The following FAF1 variants were observed in gnomAD, a reference collection of about 807,000 sequenced individuals.
FAF1 encodes Fas associated factor 1, also known as FAS-associated factor 1.
Under a neutral mutation model 92.5 loss-of-function variants are expected in FAF1, and 25 were observed. The observed-to-expected ratio is 0.27, with a 90% CI of 0.20 to 0.38. FAF1 has a LOEUF of 0.38. FAF1 is among the 10% of genes least tolerant of loss of function. The pLI, the probability that FAF1 is intolerant of heterozygous loss-of-function variation, is 1.00. For synonymous variants in FAF1, 234 were observed against 273.2 expected (o/e 0.86, Z 1.42); for missense variants, 636 against 793.3 (o/e 0.80, Z 2.38).
intron 4 of FAF1, among the ~76,000 whole-genome samples, chr1:50,776,297 T>C (rs1660957498): frequency 6.6e-6 from 1 of 152,180 alleles, no homozygotes. Context: ...ACATTATAAA[T>C]ACAACTGGAC....
chr1:50,465,430 C>T (rs12063722), intron 18 of FAF1, among the ~76,000 whole-genome samples: 4,692 of 152,236 alleles, frequency 0.031, 237 homozygotes, highest in African/African-American at 0.11. Flanking sequence ...ATTATTATTT[C>T]ACAGGCTGTT....
At chr1:50,493,616 C>G (rs1646865665) in intron 15 of FAF1, among the ~76,000 whole-genome samples, 1 of 152,142 alleles carries the variant, frequency 6.6e-6, no homozygotes, top group African/African-American at 2.4e-5. Flanking sequence ...TAAACTACCC[C>G]ATGACACTGT....
At chr1:50,531,512 G>A (rs1378384450) in intron 15 of FAF1, among the ~76,000 whole-genome samples, 1 of 152,066 alleles carries the variant, frequency 6.6e-6, no homozygotes, top group African/African-American at 2.4e-5. Flanking sequence ...CTAAAATGTC[G>A]CTACTGTAAT....
At chr1:50,877,480 G>C (rs1557570941) in intron 1 of FAF1, among the ~76,000 whole-genome samples, 1 of 152,024 alleles carries the variant, frequency 6.6e-6, no homozygotes. Flanking sequence ...TGGCATCCTG[G>C]AACAGAAAAG....
At chr1:50,693,142 A>G (rs1253838939) in intron 7 of FAF1, among the ~76,000 whole-genome samples, 1 of 152,188 alleles carries the variant, frequency 6.6e-6, no homozygotes, top group African/African-American at 2.4e-5. Flanking sequence ...TACCTAACCC[A>G]AAAACCACGA....
In FAF1 at chr1:50,867,686, G is replaced by T. The variant is rs184987967; in HGVS notation, c.46-9689C>A. Among the ~76,000 whole-genome samples, 329 of 152,212 alleles carry T rather than the reference G, an allele frequency of 2.2e-3. 3 individuals carry two copies. Among genetic ancestry groups the T allele is most frequent in the African/African-American group, 7.8e-3 (326 of 41,546 alleles). On this transcript the variant is annotated intron_variant, in intron 1 of 18. Coordinates refer to ENST00000396153, the MANE Select transcript of FAF1 (RefSeq NM_007051.3). ...ATCAAAATCTAAAAAAATTATAGCT[G>T]TTGCTGTGGATGTGGTGAAAATAGA...
intron 17 of FAF1, among the ~76,000 whole-genome samples, chr1:50,482,049 G>T (rs1646710279): frequency 6.6e-6 from 1 of 152,184 alleles, no homozygotes; most frequent in African/African-American, 2.4e-5. Flanking sequence ...CCTTTTAAAT[G>T]TACAGTTCTG....
intron 8 of FAF1, among the ~76,000 whole-genome samples, chr1:50,651,677 T>C (rs989720242): frequency 1.3e-5 from 2 of 152,174 alleles, no homozygotes; most frequent in East Asian, 3.8e-4. Context: ...ATTAATTATA[T>C]TTTTGTTGGT....
intron 8 of FAF1, among the ~76,000 whole-genome samples, chr1:50,642,272 T>C (rs994966458): frequency 6.6e-6 from 1 of 151,938 alleles, no homozygotes; most frequent in Non-Finnish European, 1.5e-5. Context: ...AAATTTCTTA[T>C]GTTTAGTGTT....
chr1:50,745,525 C>T (rs1366433483), intron 4 of FAF1, among the ~76,000 whole-genome samples: 1 of 152,022 alleles, frequency 6.6e-6, no homozygotes, highest in Non-Finnish European at 1.5e-5. Flanking sequence ...GGGCTGATTT[C>T]CCTCTTTGAT....
chr1:50,834,384 A>T (rs1424431678), intron 2 of FAF1, among the ~76,000 whole-genome samples: 1 of 152,210 alleles, frequency 6.6e-6, no homozygotes, highest in Non-Finnish European at 1.5e-5. Context: ...TCAAAGTGAA[A>T]CTCGTAAGAC....
intron 2 of FAF1, among the ~76,000 whole-genome samples, chr1:50,841,539 A>T (rs1391876889): frequency 3.9e-5 from 6 of 152,038 alleles, no homozygotes; most frequent in Non-Finnish European, 8.8e-5. Context: ...TAATATTAGT[A>T]AACTCAGAAG....
chr1:50,475,300 T>G (rs1300662772), intron 18 of FAF1, among the ~76,000 whole-genome samples, 164 bp downstream of exon 18: 1 of 152,204 alleles, frequency 6.6e-6, no homozygotes, highest in African/African-American at 2.4e-5. Context: ...AAGCCATACT[T>G]TCTCCAAAAG....
At chr1:50,542,306 T>C (rs185933597) in intron 13 of FAF1, among the ~76,000 whole-genome samples, 2 of 152,310 alleles carry the variant, frequency 1.3e-5, no homozygotes, top group East Asian at 3.9e-4. Flanking sequence ...ATTCATTCCA[T>C]TATAATTAAC....
intron 6 of FAF1, among the ~76,000 whole-genome samples, chr1:50,713,655 A>T (rs1020029460): frequency 1.3e-5 from 2 of 152,026 alleles, no homozygotes; most frequent in African/African-American, 4.8e-5. Context: ...AAACAAAGAC[A>T]AGGTTTTGCT....
chr1:50,875,188 C>A (rs1644560526), intron 1 of FAF1, among the ~76,000 whole-genome samples: 1 of 151,902 alleles, frequency 6.6e-6, no homozygotes. Flanking sequence ...CCAGCTGTCC[C>A]TATACTCATT....
At chr1:50,897,473 G>A (rs1046190562) in intron 1 of FAF1, among the ~76,000 whole-genome samples, 1 of 152,158 alleles carries the variant, frequency 6.6e-6, no homozygotes. Context: ...GATCTTTTCA[G>A]AGGTATTATA....
chr1:50,608,265 T>C (rs1401864609), intron 8 of FAF1, among the ~76,000 whole-genome samples: 6 of 152,206 alleles, frequency 3.9e-5, no homozygotes, highest in African/African-American at 1.4e-4. Context: ...ATGGTGGACA[T>C]GTCTTATGGA....
At chr1:50,820,948 T>C (rs953090595) in intron 2 of FAF1, among the ~76,000 whole-genome samples, 1 of 152,192 alleles carries the variant, frequency 6.6e-6, no homozygotes, top group Non-Finnish European at 1.5e-5. Context: ...GTGAATAATG[T>C]TGCAATGAGC....
Sources: gnomAD v4.1 joint callset for allele counts (sites outside exome capture counted in the v4.1 genomes callset) on GRCh38, gnomAD v4.1.1 for gene constraint, MANE v1.5 for transcripts, NCBI Gene and HGNC (gene_info 2026-07-23, HGNC 2026-07-21) for gene names.